The following SRRM1 variants were observed in gnomAD, a reference collection of about 807,000 sequenced individuals.
The protein encoded by SRRM1 is serine/arginine repetitive matrix protein 1.
In SRRM1, 19 loss-of-function variants were observed where a neutral mutation model predicts 110.2. That is an observed-to-expected ratio of 0.17 (90% CI 0.12 to 0.25). The LOEUF is 0.25. SRRM1 is among the 10% of genes least tolerant of loss of function. The pLI is 1.00. For missense variants in SRRM1, 918 were observed against 1,145.8 expected (o/e 0.80, Z 2.87); for synonymous variants, 443 against 414.9 (o/e 1.07, Z -0.82).
chr1:24,647,915 G>A (rs1658490133), intron 3 of SRRM1: 1 of 152,172 alleles, frequency 6.6e-6, no homozygotes, highest in Admixed American at 6.5e-5. Flanking sequence ...TAAGTATCTG[G>A]TAGTATTCCC....
rs1204775291 is a variant in SRRM1, at chr1:24,663,142, G to A, written c.1628+338G>A. The A allele has an allele frequency of 1.2e-5, 18 of 1,483,718 alleles. No homozygotes were observed. The Admixed American group carries it at 4.0e-4, about 33-fold the overall frequency. 91.9% of individuals were successfully genotyped at this position (1,483,718 alleles called of 1,614,324 possible). A position where few individuals can be genotyped will look rare whatever the true frequency, so the allele number is the denominator to read the frequency against. On this transcript the variant is annotated intron_variant, in intron 12 of 16. Transcript: ENST00000323848. ...AATCCACCCAAGTAAATAATTTAGTGAATGGAATTCTTGACATTTGTTTTT... is the reference window on the plus strand; with the variant it reads ...AATCCACCCAAGTAAATAATTTAGTAAATGGAATTCTTGACATTTGTTTTT...
Position 24,646,703 on chromosome 1 carries a change from C to A in SRRM1, c.148C>A (p.Pro50Thr). 1 of 1,605,448 alleles carries A rather than the reference C, an allele frequency of 6.2e-7. No individual in the cohort carries two copies. Among genetic ancestry groups the A allele is most frequent in the Non-Finnish European group, 8.5e-7 (1 of 1,176,676 alleles). The change falls in exon 3 of 17, where the codon CCT (proline) becomes ACT (threonine). Residue 50 changes from proline to threonine, a missense_variant. Coordinates refer to ENST00000323848, the MANE Select transcript of SRRM1 (RefSeq NM_005839.4). ...MSKVNLEVIK[P>T]WITKRVTEIL... The stretch of plus-strand genomic sequence containing the variant: ...CAAAGTAAATTTGGAGGTTATAAAG[C>A]CTTGGATAACAAAAAGAGTAACGGA...
chr1:24,645,753 CTGT>C (rs2148164409), intron 1 of SRRM1, among the ~76,000 whole-genome samples: 1 of 152,292 alleles, frequency 6.6e-6, no homozygotes, highest in South Asian at 2.1e-4. Flanking sequence ...ATGCTGTATA[CTGT>C]TGTTTTAGGT....
intron 6 of SRRM1, 23 bp downstream of exon 6, chr1:24,651,635 A>T (rs751422450): frequency 1.3e-6 from 2 of 1,542,020 alleles, no homozygotes; most frequent in Non-Finnish European, 1.8e-6. Context: ...AAATTCATTT[A>T]TAAATAATCA....
At chr1:24,669,809 T>C in intron 14 of SRRM1, 1 of 571,572 alleles carries the variant, frequency 1.7e-6, no homozygotes, top group Non-Finnish European at 3.0e-6. Flanking sequence ...ATTAATTTGT[T>C]TTTGAGGGGT....
In SRRM1 at chr1:24,651,484, A is replaced by G; in HGVS notation, c.597A>G (p.Arg199=). The change falls in exon 6 of 17, where the codon CGA becomes CGG. Residue 199 remains arginine (R), a synonymous_variant. Transcript: ENST00000323848. ...GAGAGAGAAAGCGCAGTCATTCTCG[A>G]TCTCCCCGTCACAGAACCAAGAGCC... ...VRRERKRSHS[R]SPRHRTKSRS... 2.5e-6 allele frequency: 4 copies of G among 1,614,106 alleles called. No individual in the cohort carries two copies. Among genetic ancestry groups the G allele is most frequent in the Non-Finnish European group, 3.4e-6 (4 of 1,180,014 alleles).
chr1:24,660,692 C>CT (rs774500329), intron 9 of SRRM1, 27 bp from the exon 10 acceptor site: 18 of 1,359,556 alleles, frequency 1.3e-5, no homozygotes, highest in South Asian at 8.6e-5. Context: ...TGTACGTAAG[C>CT]TTTTTTCCAC....
intron 9 of SRRM1, among the ~76,000 whole-genome samples, chr1:24,660,180 T>C (rs765643251): frequency 2.0e-5 from 3 of 152,160 alleles, no homozygotes; most frequent in Non-Finnish European, 4.4e-5. Context: ...TGAAGTTGAG[T>C]GTGAGGGAGT....
chr1:24,652,540 T>G lies in SRRM1; in HGVS notation c.832T>G (p.Ser278Ala). ...EKEKEKTRPRSRSRSKSRSRT... is the reference protein window; with the variant it reads ...EKEKEKTRPRARSRSKSRSRT... ...GGAGAAGGAGAAGACCCGACCACGA[T>G]CTCGGTCACGCTCCAAATCAAGATC... The change falls in exon 7 of 17, where the codon TCT becomes GCT. Residue 278 changes from serine to alanine, a missense_variant. Physicochemically the swap from Ser to Ala is moderately conservative, Grantham distance 99. This residue lies in a region of SRRM1 where 456 missense variants were observed against 453.5 expected (regional missense o/e 1.01). Coordinates refer to ENST00000323848, the MANE Select transcript of SRRM1 (RefSeq NM_005839.4). 4.3e-6 allele frequency: 7 copies of G among 1,613,578 alleles called. No homozygotes were observed. The highest frequency in any genetic ancestry group is 5.9e-6 in the Non-Finnish European group (7 of 1,179,900).
intron 12 of SRRM1, among the ~76,000 whole-genome samples, chr1:24,666,276 C>G (rs148821959): frequency 6.6e-6 from 1 of 152,094 alleles, no homozygotes; most frequent in African/African-American, 2.4e-5. Flanking sequence ...CGGTACTTAC[C>G]CTTGTCACAA....
At chr1:24,669,656 AC>A in intron 14 of SRRM1, 69 bp downstream of exon 14, 3 of 1,174,552 alleles carry the variant, frequency 2.6e-6, no homozygotes, top group East Asian at 2.6e-5. Context: ...GCTTCCCCCC[AC>A]CCCCATATAA....
intron 9 of SRRM1, among the ~76,000 whole-genome samples, chr1:24,656,011 A>C (rs912414783): frequency 6.6e-6 from 1 of 152,210 alleles, no homozygotes; most frequent in Non-Finnish European, 1.5e-5. Flanking sequence ...AGGCTAAGGC[A>C]GGAAGATCAC....
Position 24,669,395 on chromosome 1 carries a change from G to A in SRRM1, c.2012G>A (p.Arg671Gln), listed in dbSNP as rs533910355. 39 of 1,614,024 alleles carry A rather than the reference G, an allele frequency of 2.4e-5. 1 individual carries two copies. The African/African-American group carries it at 2.7e-4, about 11-fold the overall frequency. The change falls in exon 14 of 17, where the codon CGG becomes CAG. Residue 671 changes from arginine (R) to glutamine (Q), a missense_variant. Transcript: ENST00000323848. ...GGGTCTTCCCCAAGCCGCTCTACCCGGGAGGCCCGATCACCACAACCAAAC... is the reference window on the plus strand; with the variant it reads ...GGGTCTTCCCCAAGCCGCTCTACCCAGGAGGCCCGATCACCACAACCAAAC... ...RKGSSPSRST[R>Q]EARSPQPNKR...
At position 24,672,202 on chromosome 1, in the gene SRRM1, A is replaced by G; in HGVS notation, c.2631A>G (p.Glu877=). 6.2e-7 allele frequency: 1 copy of G among 1,610,652 alleles called. No individual in the cohort carries two copies. Among genetic ancestry groups the G allele is most frequent in the Non-Finnish European group, 8.5e-7 (1 of 1,178,072 alleles). Residue 877 remains glutamate, a synonymous_variant, in exon 17 of 17, where the codon GAA becomes GAG. Transcript: ENST00000323848. ...EPKKETESEA[E]DNLDDLEKHL... is the part of the protein sequence containing the mutation. ...TTTAGGAGACTGAAAGTGAAGCTGA[A>G]GATAACCTTGATGATTTAGAAAAGC... is the stretch of plus-strand genomic sequence containing the variant.
chr1:24,650,036 A>T lies in SRRM1; in HGVS notation c.471A>T (p.Glu157Asp). 1.3e-6 allele frequency: 2 copies of T among 1,597,746 alleles called. No homozygotes were observed. The highest frequency in any genetic ancestry group is 2.3e-5 in the South Asian group (2 of 87,844). ...AAGACAAAGATAAAAGAGATAAGGA[A>T]GAAAAAGAAAGCAGCAGAGAAAAAA... ...QDEDKDKRDK[E>D]EKESSREKRE... Residue 157 changes from glutamate (E) to aspartate (D), a missense_variant, in exon 5 of 17, where the codon GAA (glutamate) becomes GAT (aspartate). This residue lies in a region of SRRM1 where 456 missense variants were observed against 453.5 expected (regional missense o/e 1.01). Coordinates refer to ENST00000323848, the MANE Select transcript of SRRM1 (RefSeq NM_005839.4).
At chr1:24,662,838 T>G in intron 12 of SRRM1, 34 bp downstream of exon 12, 3 of 1,607,554 alleles carry the variant, frequency 1.9e-6, no homozygotes, top group Non-Finnish European at 2.6e-6. Flanking sequence ...TTCACTGATG[T>G]TCTGTAATTG....
At chr1:24,649,279 G>T (rs1659193123) in intron 4 of SRRM1, among the ~76,000 whole-genome samples, 1 of 152,172 alleles carries the variant, frequency 6.6e-6, no homozygotes. Flanking sequence ...TAGCTTAAAA[G>T]AAATTTGAAT....
chr1:24,669,653 C>T (rs1671740592), intron 14 of SRRM1, 66 bp downstream of exon 14: 9 of 1,214,120 alleles, frequency 7.4e-6, no homozygotes, highest in Admixed American at 5.3e-5. Flanking sequence ...GAAGCTTCCC[C>T]CCACCCCCAT....
chr1:24,669,700 C>CA, intron 14 of SRRM1, 113 bp downstream of exon 14: 4 of 855,844 alleles, frequency 4.7e-6, no homozygotes, highest in Non-Finnish European at 7.2e-6. Flanking sequence ...GCTTTTAAGT[C>CA]AAACTTGAGG....
Sources: gnomAD v4.1 joint callset for allele counts (sites outside exome capture counted in the v4.1 genomes callset) on GRCh38, gnomAD v4.1.1 for gene constraint, gnomAD v4.1.1 regional missense constraint, MANE v1.5 for transcripts, NCBI Gene and HGNC (gene_info 2026-07-23, HGNC 2026-07-21) for gene names.